The following ARNT2 variants were observed in gnomAD, a reference collection of about 807,000 sequenced individuals.
ARNT2 encodes ARNT protein 2.
ARNT2 carries 36 observed loss-of-function variants against 91.7 expected under a neutral mutation model. That is an observed-to-expected ratio of 0.39 (90% confidence interval 0.30 to 0.52). ARNT2 has a LOEUF of 0.52. Ranked by LOEUF, ARNT2 falls within the 20% of genes least tolerant of loss-of-function variation. The pLI is 0.72. For missense variants in ARNT2, 775 were observed against 939.3 expected (o/e 0.83, Z 2.29); for synonymous variants, 365 against 347.1 (o/e 1.05, Z -0.57).
intron 1 of ARNT2, among the ~76,000 whole-genome samples, chr15:80,416,629 TG>T (rs373597144): frequency 4.8e-3 from 421 of 87,892 alleles, no homozygotes; most frequent in African/African-American, 0.011. Context: ...CAGTTTTTTT[TG>T]TTTGTTTGTT....
At chr15:80,470,629 A>G (rs2141394841) in intron 4 of ARNT2, among the ~76,000 whole-genome samples, 198 bp downstream of exon 4, 1 of 152,336 alleles carries the variant, frequency 6.6e-6, no homozygotes, top group East Asian at 1.9e-4. Context: ...TATGTTTCCC[A>G]TAACCTTAAT....
intron 9 of ARNT2, among the ~76,000 whole-genome samples, chr15:80,552,063 A>C (rs556795789): frequency 2.6e-4 from 39 of 152,304 alleles, no homozygotes; most frequent in African/African-American, 8.2e-4. Flanking sequence ...GGTCTTCCCC[A>C]TGCTGAAGAG....
chr15:80,589,855 T>C (rs1893242364), intron 17 of ARNT2, among the ~76,000 whole-genome samples: 1 of 152,212 alleles, frequency 6.6e-6, no homozygotes, highest in African/African-American at 2.4e-5. Flanking sequence ...CAGATGAATT[T>C]TTTATAGCAG....
At chr15:80,478,098 G>T (rs1023014893) in intron 5 of ARNT2, among the ~76,000 whole-genome samples, 7 of 152,084 alleles carry the variant, frequency 4.6e-5, no homozygotes, top group African/African-American at 1.7e-4. Flanking sequence ...AAATCCTAAG[G>T]GACACACCTT....
intron 8 of ARNT2, among the ~76,000 whole-genome samples, chr15:80,542,423 C>G (rs1362695940): frequency 1.3e-5 from 2 of 152,130 alleles, no homozygotes; most frequent in Non-Finnish European, 2.9e-5. Flanking sequence ...TTGCATAAAA[C>G]CACCACTATT....
At chr15:80,428,870 C>T (rs774876632) in intron 1 of ARNT2, among the ~76,000 whole-genome samples, 2 of 152,282 alleles carry the variant, frequency 1.3e-5, no homozygotes, top group Non-Finnish European at 2.9e-5. Context: ...AATGAACTGA[C>T]TCCTCAATGT....
At chr15:80,519,769 T>C (rs1156550527) in intron 8 of ARNT2, among the ~76,000 whole-genome samples, 1 of 148,562 alleles carries the variant, frequency 6.7e-6, no homozygotes, top group African/African-American at 2.5e-5. Flanking sequence ...CACTGCAAGC[T>C]CTGCCTCCTG....
chr15:80,436,848 C>G (rs548507499), intron 1 of ARNT2, among the ~76,000 whole-genome samples: 2 of 152,176 alleles, frequency 1.3e-5, no homozygotes, highest in Admixed American at 6.5e-5. Flanking sequence ...GTGAGCCCAG[C>G]GGGCATGACT....
chr15:80,590,452 C>A (rs973760182), intron 17 of ARNT2, among the ~76,000 whole-genome samples: 11 of 152,200 alleles, frequency 7.2e-5, no homozygotes, highest in South Asian at 2.1e-4. Context: ...CGACAAAAAA[C>A]CACTTACTGG....
intron 5 of ARNT2, among the ~76,000 whole-genome samples, chr15:80,506,666 G>T (rs1897279824): frequency 6.6e-6 from 1 of 152,238 alleles, no homozygotes; most frequent in Non-Finnish European, 1.5e-5. Flanking sequence ...TCAAAGGAAG[G>T]AGGCTTTATC....
In ARNT2 at chr15:80,578,591, G is replaced by C. The variant is rs1452316513; in HGVS notation, c.1613+1626G>C. 2.0e-5 allele frequency among the ~76,000 whole-genome samples: 3 copies of C among 151,614 alleles called. No individual in the cohort carries two copies. In the East Asian group the frequency reaches 6.0e-4, roughly 30 times the overall value. ...CTCAGGGCAGACAGTCCAGCGTGAGGTGCAGAGCCTGGGTAACGCTGTTGT... is the reference window on the plus strand; with the variant it reads ...CTCAGGGCAGACAGTCCAGCGTGAGCTGCAGAGCCTGGGTAACGCTGTTGT... On this transcript the variant is annotated intron_variant, in intron 15 of 18. Transcript: ENST00000303329.
intron 4 of ARNT2, among the ~76,000 whole-genome samples, chr15:80,472,357 A>C (rs1300291183): frequency 6.6e-6 from 1 of 152,204 alleles, no homozygotes; most frequent in Non-Finnish European, 1.5e-5. Context: ...GGGATTTCAC[A>C]AAAAGGGAAG....
In ARNT2 at chr15:80,563,201, T is replaced by C. The variant is rs186761656; in HGVS notation, c.1278T>C (p.Asp426=). The change falls in exon 12 of 19, where the codon GAT becomes GAC. Residue 426 remains aspartate (D), a synonymous_variant. Transcript: ENST00000303329. ...SSFTFQNPYS[D]EIEYIICTNT... ...TCACATTCCAGAATCCCTATTCTGATGAGATTGAGTACATCATCTGCACCA... is the reference window on the plus strand; with the variant it reads ...TCACATTCCAGAATCCCTATTCTGACGAGATTGAGTACATCATCTGCACCA... The C allele has an allele frequency of 1.2e-6, 2 of 1,613,680 alleles. No homozygotes were observed. Among genetic ancestry groups the C allele is most frequent in the Non-Finnish European group, 1.7e-6 (2 of 1,179,674 alleles).
chr15:80,489,852 T>G (rs560136325), intron 5 of ARNT2, among the ~76,000 whole-genome samples: 28 of 152,246 alleles, frequency 1.8e-4, no homozygotes, highest in African/African-American at 6.7e-4. Context: ...CTGCCTGGGT[T>G]TGAGTCTTCG....
chr15:80,405,940 C>T (rs891163367), intron 1 of ARNT2, among the ~76,000 whole-genome samples: 8 of 151,902 alleles, frequency 5.3e-5, no homozygotes, highest in Admixed American at 1.3e-4. Context: ...TGGTATTGAA[C>T]AAGGAAATCG....
intron 8 of ARNT2, among the ~76,000 whole-genome samples, chr15:80,516,813 TTA>T (rs1169817470): frequency 6.4e-5 from 3 of 46,910 alleles, no homozygotes; most frequent in African/African-American, 2.2e-4. Flanking sequence ...TTTACAATTA[TTA>T]TATACAATTA....
chr15:80,464,547 T>G (rs1225980669), intron 3 of ARNT2, among the ~76,000 whole-genome samples: 1 of 152,168 alleles, frequency 6.6e-6, no homozygotes, highest in African/African-American at 2.4e-5. Flanking sequence ...TGTAGTTGCC[T>G]TGCAGAAACC....
At chr15:80,503,359 A>G (rs918510296) in intron 5 of ARNT2, among the ~76,000 whole-genome samples, 1 of 152,208 alleles carries the variant, frequency 6.6e-6, no homozygotes, top group Admixed American at 6.5e-5. Context: ...CACCTACTCT[A>G]TGAAGTCAGG....
intron 11 of ARNT2, among the ~76,000 whole-genome samples, chr15:80,557,094 C>T (rs1898205391): frequency 6.6e-6 from 1 of 152,146 alleles, no homozygotes; most frequent in Non-Finnish European, 1.5e-5. Context: ...CCAAGCCTTC[C>T]TATTGAAGGC....
Sources: gnomAD v4.1 joint callset for allele counts (sites outside exome capture counted in the v4.1 genomes callset) on GRCh38, gnomAD v4.1.1 for gene constraint, MANE v1.5 for transcripts, NCBI Gene and HGNC (gene_info 2026-07-23, HGNC 2026-07-21) for gene names.